The following RHBDD1 variants were observed in gnomAD, a reference collection of about 807,000 sequenced individuals.
RHBDD1 encodes rhomboid domain containing 1.
RHBDD1 carries 38 observed loss-of-function variants against 36.3 expected under a neutral mutation model. That is an observed-to-expected ratio of 1.05 (90% CI 0.81 to 1.37). The LOEUF (loss-of-function observed/expected upper bound fraction) is 1.37, where lower values mean the gene tolerates loss of function less well. RHBDD1 is among the 40% of genes most tolerant of loss of function. The pLI is 0.00. For synonymous variants in RHBDD1, 151 were observed against 136.5 expected (o/e 1.11, Z -0.74); for missense variants, 393 against 377.6 (o/e 1.04, Z -0.34).
intron 7 of RHBDD1, among the ~76,000 whole-genome samples, chr2:226,912,792 G>C (rs1948612520): frequency 6.6e-6 from 1 of 151,974 alleles, no homozygotes; most frequent in South Asian, 2.1e-4. Flanking sequence ...GGTAATGATG[G>C]TGCAACTCTA....
intron 8 of RHBDD1, among the ~76,000 whole-genome samples, chr2:226,964,916 C>T (rs1952504501): frequency 1.3e-5 from 2 of 152,140 alleles, no homozygotes; most frequent in African/African-American, 4.8e-5. Flanking sequence ...AGATGGACCC[C>T]ATTAGAGGGT....
At chr2:226,887,839 A>G (rs1408696169) in intron 5 of RHBDD1, among the ~76,000 whole-genome samples, 2 of 152,238 alleles carry the variant, frequency 1.3e-5, no homozygotes, top group East Asian at 1.9e-4. Context: ...AATGAATACT[A>G]TCTGATCCAT....
intron 7 of RHBDD1, among the ~76,000 whole-genome samples, chr2:226,911,549 T>TC: frequency 6.7e-6 from 1 of 149,658 alleles, no homozygotes; most frequent in East Asian, 1.9e-4. Context: ...TTCTTTTTTT[T>TC]TTTTTTTTTT....
At chr2:226,838,176 A>G (rs2124918650) in intron 2 of RHBDD1, 22 bp downstream of exon 2, 1 of 152,334 alleles carries the variant, frequency 6.6e-6, no homozygotes, top group East Asian at 1.9e-4. Flanking sequence ...ACCGTGGCCT[A>G]CACATGTCGT....
chr2:226,816,116 C>T, the RHBDD1 span, among the ~76,000 whole-genome samples: 2 of 152,164 alleles, frequency 1.3e-5, no homozygotes, highest in Non-Finnish European at 2.9e-5. Context: ...AAGGTCATCA[C>T]ATCTGGCACC....
At position 226,864,821 on chromosome 2, in the gene RHBDD1, T is replaced by G; in HGVS notation, c.128T>G (p.Leu43Trp). Residue 43 changes from leucine to tryptophan, a missense_variant, in exon 4 of 9, where the codon TTG becomes TGG. Leu to Trp is a moderately conservative substitution (Grantham distance 61). Coordinates refer to ENST00000392062, the MANE Select transcript of RHBDD1 (RefSeq NM_001167608.3). ...TTGGCCCTCAACATCTGGTTCTTCTTGAACCCTCAGAAGCCACTGTATAGC... is the reference window on the plus strand; with the variant it reads ...TTGGCCCTCAACATCTGGTTCTTCTGGAACCCTCAGAAGCCACTGTATAGC... Reference protein sequence around the residue: ...ATLALNIWFFLNPQKPLYSSC... With the variant: ...ATLALNIWFFWNPQKPLYSSC... 1 of 1,614,228 alleles carries G rather than the reference T, an allele frequency of 6.2e-7. No homozygotes were observed. Among genetic ancestry groups the G allele is most frequent in the Admixed American group, 1.7e-5 (1 of 60,036 alleles).
At chr2:226,873,013 T>A (rs1053217244) in intron 5 of RHBDD1, among the ~76,000 whole-genome samples, 1 of 152,170 alleles carries the variant, frequency 6.6e-6, no homozygotes, top group African/African-American at 2.4e-5. Context: ...TTCTTACAGT[T>A]TTACATGCTT....
chr2:226,834,493 CTTT>C (rs1449185794), upstream of RHBDD1, among the ~76,000 whole-genome samples: 6 of 152,076 alleles, frequency 3.9e-5, no homozygotes, highest in Non-Finnish European at 7.4e-5. Context: ...TAAGAATCTT[CTTT>C]GTCACTTGAA....
intron 3 of RHBDD1, among the ~76,000 whole-genome samples, chr2:226,843,637 T>C (rs1574753018): frequency 6.6e-6 from 1 of 152,326 alleles, no homozygotes; most frequent in East Asian, 1.9e-4. Context: ...TCGTGGTAGA[T>C]AAGTTTTTTG....
At chr2:226,820,756 G>A in the RHBDD1 span, among the ~76,000 whole-genome samples, 10 of 151,434 alleles carry the variant, frequency 6.6e-5, no homozygotes, top group South Asian at 1.0e-3. Context: ...TGGAGTTTAC[G>A]CCACTGCACT....
chr2:226,908,615 A>ACAC, intron 6 of RHBDD1: 1 of 569,030 alleles, frequency 1.8e-6, no homozygotes, highest in Admixed American at 3.1e-5. Context: ...ACACACACAC[A>ACAC]CACACATTCT....
At chr2:226,951,575 T>C (rs974688381) in intron 8 of RHBDD1, among the ~76,000 whole-genome samples, 9 of 152,214 alleles carry the variant, frequency 5.9e-5, no homozygotes, top group Non-Finnish European at 1.2e-4. Flanking sequence ...GAGTTCATGA[T>C]TGAATATTTT....
At chr2:226,928,108 T>G (rs1949787274) in intron 8 of RHBDD1, among the ~76,000 whole-genome samples, 1 of 152,088 alleles carries the variant, frequency 6.6e-6, no homozygotes. Flanking sequence ...TTTGAGTTAG[T>G]TTTTATATAA....
intron 8 of RHBDD1, among the ~76,000 whole-genome samples, chr2:226,961,682 C>T (rs1952212526): frequency 6.6e-6 from 1 of 151,946 alleles, no homozygotes; most frequent in Admixed American, 6.6e-5. Flanking sequence ...TGTATATTGC[C>T]CCTATATCTA....
chr2:226,991,209 T>C (rs1011018457), intron 8 of RHBDD1, among the ~76,000 whole-genome samples: 4 of 152,098 alleles, frequency 2.6e-5, no homozygotes, highest in African/African-American at 9.7e-5. Flanking sequence ...TGAGACAGAG[T>C]CTCACTCTGT....
chr2:226,988,548 C>G, intron 8 of RHBDD1: 8 of 1,422,656 alleles, frequency 5.6e-6, no homozygotes, highest in Non-Finnish European at 7.3e-6. Flanking sequence ...GGCTGGCCCT[C>G]TCTGCGGACT....
the RHBDD1 span, among the ~76,000 whole-genome samples, chr2:226,828,229 T>C: frequency 3.9e-5 from 6 of 152,232 alleles, no homozygotes; most frequent in Admixed American, 3.9e-4. Flanking sequence ...ATGTAGACTT[T>C]TGGGTTTGAT....
intron 3 of RHBDD1, among the ~76,000 whole-genome samples, chr2:226,857,534 A>T (rs528969001): frequency 6.6e-6 from 1 of 152,222 alleles, no homozygotes; most frequent in Non-Finnish European, 1.5e-5. Flanking sequence ...ACAAATGTCC[A>T]TCAGCTGATG....
chr2:226,993,406 C>T (rs1312346089), intron 8 of RHBDD1, among the ~76,000 whole-genome samples: 2 of 152,172 alleles, frequency 1.3e-5, no homozygotes, highest in Admixed American at 6.5e-5. Context: ...CTGGCCTGCA[C>T]TCACAAGTGC....
Sources: gnomAD v4.1 joint callset for allele counts (sites outside exome capture counted in the v4.1 genomes callset) on GRCh38, gnomAD v4.1.1 for gene constraint, MANE v1.5 for transcripts, NCBI Gene and HGNC (gene_info 2026-07-23, HGNC 2026-07-21) for gene names.